BNC2: variants seen among roughly 807,000 people sequenced by gnomAD.
BNC2 encodes zinc finger protein basonuclin-2.
Under a neutral mutation model 76.3 loss-of-function variants are expected in BNC2, and 20 were observed. The observed-to-expected ratio is 0.26, with a 90% CI of 0.18 to 0.38. The LOEUF (loss-of-function observed/expected upper bound fraction) is 0.38, where lower values mean the gene tolerates loss of function less well. Among genes scored for constraint, BNC2 ranks in the 10% least tolerant of loss-of-function variants. The pLI is 1.00. For missense variants in BNC2, 1,382 were observed against 1,399.8 expected (o/e 0.99, Z 0.20); for synonymous variants, 582 against 514.8 (o/e 1.13, Z -1.77).
At chr9:16,752,429 T>TATG (rs1825247250) in intron 1 of BNC2, among the ~76,000 whole-genome samples, 1 of 151,738 alleles carries the variant, frequency 6.6e-6, no homozygotes, top group Non-Finnish European at 1.5e-5. Context: ...GTCAATGTGT[T>TATG]TGGGCGGCAG....
chr9:16,773,103 T>C (rs1212484391), intron 1 of BNC2, among the ~76,000 whole-genome samples: 1 of 152,158 alleles, frequency 6.6e-6, no homozygotes, highest in East Asian at 1.9e-4. Flanking sequence ...CATTGACCAA[T>C]TCTGTCCTGA....
At chr9:16,832,979 C>T (rs1306441108) in intron 1 of BNC2, among the ~76,000 whole-genome samples, 1 of 152,098 alleles carries the variant, frequency 6.6e-6, no homozygotes, top group Non-Finnish European at 1.5e-5. Flanking sequence ...CTGCCTTGAC[C>T]TCCCAAAGTG....
intron 1 of BNC2, among the ~76,000 whole-genome samples, chr9:16,821,005 G>T (rs976274595): frequency 6.6e-6 from 1 of 151,992 alleles, no homozygotes; most frequent in Non-Finnish European, 1.5e-5. Context: ...GGCCGAGGCG[G>T]GTGGATCACT....
At chr9:16,766,911 T>C (rs1825711031) in intron 1 of BNC2, among the ~76,000 whole-genome samples, 1 of 152,202 alleles carries the variant, frequency 6.6e-6, no homozygotes, top group African/African-American at 2.4e-5. Context: ...CCCAGTTTTA[T>C]GGAGTAAAGA....
At position 16,825,751 on chromosome 9, in the gene BNC2, C is replaced by T. The variant is rs1396789542; in HGVS notation, c.3+44895G>A. On this transcript the variant is annotated intron_variant, in intron 1 of 6. Transcript: ENST00000380672. ...TTGGAAATCACTTCACAAAAATGTT[C>T]ATTAACTGAACGTTATTTGTGGAAG... is the stretch of plus-strand genomic sequence containing the variant. Among the ~76,000 whole-genome samples, 5 of 152,088 alleles carry T rather than the reference C, an allele frequency of 3.3e-5. 1 individual carries two copies. Among genetic ancestry groups the T allele is most frequent in the Admixed American group, 2.0e-4 (3 of 15,256 alleles).
At chr9:16,521,067 T>C (rs1817602419) in intron 5 of BNC2, among the ~76,000 whole-genome samples, 1 of 152,260 alleles carries the variant, frequency 6.6e-6, no homozygotes, top group South Asian at 2.1e-4. Flanking sequence ...AAGAGGAACA[T>C]ACATCAGACA....
intron 3 of BNC2, among the ~76,000 whole-genome samples, chr9:16,583,473 C>G (rs1819683925): frequency 6.6e-6 from 1 of 152,070 alleles, no homozygotes. Context: ...TACACTGTAA[C>G]AAAATAATAT....
chr9:16,664,015 T>C (rs1822190839), intron 3 of BNC2, among the ~76,000 whole-genome samples: 1 of 152,188 alleles, frequency 6.6e-6, no homozygotes, highest in African/African-American at 2.4e-5. Flanking sequence ...CCATTATTAT[T>C]AGAGATTAGT....
intron 3 of BNC2, among the ~76,000 whole-genome samples, chr9:16,725,128 A>G (rs189060946): frequency 1.3e-5 from 2 of 152,240 alleles, no homozygotes; most frequent in Admixed American, 1.3e-4. Flanking sequence ...AACAAAAACT[A>G]GCGTAACTGT....
chr9:16,677,551 G>C (rs984420904), intron 3 of BNC2, among the ~76,000 whole-genome samples: 4 of 123,028 alleles, frequency 3.3e-5, no homozygotes, highest in African/African-American at 1.5e-4. Context: ...CCAGCCCGGG[G>C]GACAAAGCTA....
chr9:16,615,024 T>C lies in BNC2; in HGVS notation c.331-31939A>G, dbSNP rs115165380. 3.8e-3 allele frequency among the ~76,000 whole-genome samples: 539 copies of C among 141,092 alleles called. 7 individuals carry two copies. Among genetic ancestry groups the C allele is most frequent in the African/African-American group, 0.014 (523 of 36,652 alleles). The allele number at this position is 141,092 out of a possible 152,430, so 92.6% of individuals were successfully genotyped here. A position where few individuals can be genotyped will look rare whatever the true frequency, so the allele number is the denominator to read the frequency against. On this transcript the variant is annotated intron_variant, in intron 3 of 6. Coordinates refer to ENST00000380672, the MANE Select transcript of BNC2 (RefSeq NM_017637.6). ...AAAAAAGCCAAGCAGGCCAGTTACC[T>C]TTCCACATACAAGAACAGTCTGCAG... is the stretch of plus-strand genomic sequence containing the variant.
intron 1 of BNC2, among the ~76,000 whole-genome samples, chr9:16,845,565 C>A (rs1818954584): frequency 6.6e-6 from 1 of 151,660 alleles, no homozygotes; most frequent in Non-Finnish European, 1.5e-5. Flanking sequence ...ACTAAAAATA[C>A]AAAAAATTAG....
intron 1 of BNC2, among the ~76,000 whole-genome samples, chr9:16,820,180 C>T (rs893793627): frequency 1.4e-5 from 2 of 144,810 alleles, no homozygotes; most frequent in African/African-American, 5.1e-5. Context: ...AATCTCAGCA[C>T]TTTGGGAGGC....
chr9:16,711,239 C>T (rs901385760), intron 3 of BNC2, among the ~76,000 whole-genome samples: 2 of 152,058 alleles, frequency 1.3e-5, no homozygotes, highest in Non-Finnish European at 2.9e-5. Flanking sequence ...GTTGAAACTA[C>T]AGAACAACAG....
intron 5 of BNC2, among the ~76,000 whole-genome samples, chr9:16,518,385 C>G (rs976353381): frequency 1.3e-5 from 2 of 151,914 alleles, no homozygotes; most frequent in Non-Finnish European, 2.9e-5. Flanking sequence ...ACTGAGTACT[C>G]CACTGCACTC....
chr9:16,609,673 T>C (rs1820488325), intron 3 of BNC2, among the ~76,000 whole-genome samples: 1 of 152,192 alleles, frequency 6.6e-6, no homozygotes, highest in Admixed American at 6.5e-5. Flanking sequence ...TTATGGAATT[T>C]ATCTATGGGA....
At chr9:16,800,058 C>A (rs1238406351) in intron 1 of BNC2, among the ~76,000 whole-genome samples, 2 of 152,020 alleles carry the variant, frequency 1.3e-5, no homozygotes, top group African/African-American at 2.4e-5. Flanking sequence ...AACCCCATCT[C>A]TACTAAAAAT....
At chr9:16,513,081 G>C (rs531547131) in intron 5 of BNC2, among the ~76,000 whole-genome samples, 2 of 152,004 alleles carry the variant, frequency 1.3e-5, no homozygotes, top group South Asian at 4.1e-4. Context: ...AGGGAGCTGA[G>C]ATCACACCAG....
chr9:16,749,147 GC>G (rs1440678992), intron 1 of BNC2, among the ~76,000 whole-genome samples: 12 of 151,694 alleles, frequency 7.9e-5, no homozygotes, highest in African/African-American at 2.4e-5. Context: ...GCTCATATTA[GC>G]CCAGTATGAA....
Sources: gnomAD v4.1 joint callset for allele counts (sites outside exome capture counted in the v4.1 genomes callset) on GRCh38, gnomAD v4.1.1 for gene constraint, MANE v1.5 for transcripts, NCBI Gene and HGNC (gene_info 2026-07-23, HGNC 2026-07-21) for gene names.